The following C7 variants were observed in gnomAD, a reference collection of about 807,000 sequenced individuals.
The protein encoded by C7 is complement component C7.
C7 carries 83 observed loss-of-function variants against 104.8 expected under a neutral mutation model. The ratio of observed to expected loss-of-function variants is 0.79; its 90% CI spans 0.66 to 0.95. The LOEUF (loss-of-function observed/expected upper bound fraction) is 0.95. Among genes scored for constraint, C7 ranks in the 40% least tolerant of loss-of-function variants. The pLI, the probability that C7 is intolerant of heterozygous loss-of-function variation, is 0.00. For synonymous variants in C7, 415 were observed against 360.6 expected, an observed-to-expected ratio of 1.15 and a Z score of -1.71; for missense variants, 1,070 against 1,011.2, an observed-to-expected ratio of 1.06 and a Z score of -0.79.
At chr5:40,949,575 C>T (rs1156287522) in intron 8 of C7, among the ~76,000 whole-genome samples, 2 of 152,136 alleles carry the variant, frequency 1.3e-5, no homozygotes, top group South Asian at 2.1e-4. Flanking sequence ...CTGTCATGCT[C>T]CTACTTTTAT....
At chr5:40,961,173 C>G (rs1740411471) in intron 12 of C7, among the ~76,000 whole-genome samples, 1 of 152,152 alleles carries the variant, frequency 6.6e-6, no homozygotes, top group South Asian at 2.1e-4. Flanking sequence ...GTAAATCCAG[C>G]TTTGGTATTT....
chr5:40,923,376 C>T (rs577833049), intron 1 of C7, among the ~76,000 whole-genome samples: 88 of 152,236 alleles, frequency 5.8e-4, no homozygotes, highest in East Asian at 2.7e-3. Flanking sequence ...CTTCTGGTGA[C>T]GCCTTCAGGG....
chr5:40,939,052 A>C (rs1264090824), intron 6 of C7, among the ~76,000 whole-genome samples: 2 of 152,138 alleles, frequency 1.3e-5, no homozygotes, highest in Non-Finnish European at 2.9e-5. Flanking sequence ...CAAACTCCAA[A>C]AATGTCTAAT....
intron 6 of C7, among the ~76,000 whole-genome samples, chr5:40,939,873 G>T (rs1444812863): frequency 1.3e-5 from 2 of 152,194 alleles, no homozygotes; most frequent in African/African-American, 4.8e-5. Flanking sequence ...CCTCAGCAGG[G>T]CTTGGTCTTT....
At chr5:40,951,601 C>A (rs1200153278) in intron 9 of C7, among the ~76,000 whole-genome samples, 2 of 152,128 alleles carry the variant, frequency 1.3e-5, no homozygotes, top group Admixed American at 6.6e-5. Flanking sequence ...TGAACATGTA[C>A]CCCATGAATC....
chr5:40,944,104 C>A (rs1301579618), intron 6 of C7, among the ~76,000 whole-genome samples: 1 of 152,170 alleles, frequency 6.6e-6, no homozygotes, highest in South Asian at 2.1e-4. Context: ...AAAAGTATAT[C>A]ATTTCCATCA....
intron 14 of C7, 128 bp downstream of exon 14, chr5:40,965,001 T>C (rs910931913): frequency 1.1e-4 from 125 of 1,092,290 alleles, no homozygotes; most frequent in Non-Finnish European, 3.9e-5. Context: ...GACATGATCC[T>C]GTTCAAGTTT....
intron 9 of C7, among the ~76,000 whole-genome samples, chr5:40,950,783 T>G (rs1579858711): frequency 6.6e-6 from 1 of 152,270 alleles, no homozygotes; most frequent in East Asian, 1.9e-4. Flanking sequence ...ACAGTTCAGT[T>G]TCACTTGCTG....
At chr5:40,936,784 G>A (rs1739826821) in intron 5 of C7, among the ~76,000 whole-genome samples, 2 of 152,076 alleles carry the variant, frequency 1.3e-5, no homozygotes, top group Non-Finnish European at 2.9e-5. Flanking sequence ...ACTTCATGGG[G>A]GTTGGAAGGG....
At chr5:40,937,788 C>A in intron 6 of C7, 98 bp downstream of exon 6, 1 of 985,106 alleles carries the variant, frequency 1.0e-6, no homozygotes, top group Non-Finnish European at 1.4e-6. Context: ...TACTTATGGC[C>A]TAATGTGTGG....
chr5:40,981,808 C>G lies in C7; in HGVS notation c.*235C>G, dbSNP rs571960177. The G allele has an allele frequency of 3.9e-5, 15 of 385,606 alleles. No individual in the cohort carries two copies. The Admixed American group carries it at 5.8e-4, about 15-fold the overall frequency. The allele number at this position is 385,606 out of a possible 1,614,324, so 23.9% of individuals were successfully genotyped here. A position where few individuals can be genotyped will look rare whatever the true frequency, so the allele number is the denominator to read the frequency against. Reference sequence around the variant, plus strand: ...GGATATGAGCCTTTGCACAGGCTGGCTGCGTGTTCTTGAAATAGGTGTTAC... The same window carrying G: ...GGATATGAGCCTTTGCACAGGCTGGGTGCGTGTTCTTGAAATAGGTGTTAC... On this transcript the variant is annotated 3_prime_UTR_variant, in exon 18 of 18. Transcript: ENST00000313164.
Position 40,972,385 on chromosome 5 carries a change from G to A in C7, c.1883-18G>A. On this transcript the variant is annotated intron_variant, in intron 14 of 17. Transcript: ENST00000313164. ...AGGAGAGCAACGACCCTTATATTTT[G>A]CTCTCTTTTATCTTTAGAAATTGCC... is the stretch of plus-strand genomic sequence containing the variant. 6.2e-7 allele frequency: 1 copy of A among 1,609,232 alleles called. No homozygotes were observed. The highest frequency in any genetic ancestry group is 1.3e-5 in the African/African-American group (1 of 74,940).
chr5:40,929,951 C>G (rs1047098171), intron 2 of C7, among the ~76,000 whole-genome samples: 1 of 152,068 alleles, frequency 6.6e-6, no homozygotes, highest in Non-Finnish European at 1.5e-5. Flanking sequence ...TTCTGGATAA[C>G]TTTTCAACTC....
intron 4 of C7, among the ~76,000 whole-genome samples, chr5:40,934,718 A>G (rs987135856): frequency 6.6e-6 from 1 of 152,206 alleles, no homozygotes; most frequent in African/African-American, 2.4e-5. Flanking sequence ...CTAGTTACTG[A>G]CAGACCCAAA....
Position 40,982,518 on chromosome 5 carries a change from G to C in C7, c.*945G>C, listed in dbSNP as rs1061442. ...AATTCATTATGCTGTGGTCACAGGG[G>C]TGTCTTGTCTGAGAACAAATACAAT... On this transcript the variant is annotated 3_prime_UTR_variant, in exon 18 of 18. Coordinates refer to ENST00000313164, the MANE Select transcript of C7 (RefSeq NM_000587.4). 2 of 152,132 alleles carry C rather than the reference G, an allele frequency of 1.3e-5. No individual in the cohort carries two copies. The highest frequency in any genetic ancestry group is 4.8e-5 in the African/African-American group (2 of 41,408). The allele number at this position is 152,132 out of a possible 1,614,324, so 9.4% of individuals were successfully genotyped here. A position where few individuals can be genotyped will look rare whatever the true frequency, so the allele number is the denominator to read the frequency against.
intron 16 of C7, among the ~76,000 whole-genome samples, chr5:40,977,113 G>T (rs1405926000): frequency 6.6e-6 from 1 of 152,150 alleles, no homozygotes; most frequent in African/African-American, 2.4e-5. Flanking sequence ...GAGCAAAATG[G>T]CAAAACTGTC....
chr5:40,939,776 A>T (rs1293982591), intron 6 of C7, among the ~76,000 whole-genome samples: 1 of 152,248 alleles, frequency 6.6e-6, no homozygotes, highest in African/African-American at 2.4e-5. Flanking sequence ...AGCGTTTCTG[A>T]CTTCGTTGGA....
At chr5:40,956,113 G>C (rs998555217) in intron 10 of C7, among the ~76,000 whole-genome samples, 10 of 152,144 alleles carry the variant, frequency 6.6e-5, no homozygotes, top group African/African-American at 2.2e-4. Context: ...AATCAGGTTA[G>C]AGACACAGCA....
At chr5:40,927,496 A>G (rs1739579437) in intron 1 of C7, among the ~76,000 whole-genome samples, 1 of 152,110 alleles carries the variant, frequency 6.6e-6, no homozygotes, top group South Asian at 2.1e-4. Context: ...CATACATTCA[A>G]GAAGAAGCTA....
Sources: gnomAD v4.1 joint callset for allele counts (sites outside exome capture counted in the v4.1 genomes callset) on GRCh38, gnomAD v4.1.1 for gene constraint, MANE v1.5 for transcripts, NCBI Gene and HGNC (gene_info 2026-07-23, HGNC 2026-07-21) for gene names.